ZNF251: variants seen among roughly 807,000 people sequenced by gnomAD.
ZNF251 encodes the protein zinc finger protein 251.
In ZNF251, 14 loss-of-function variants were observed where a neutral mutation model predicts 13.5. The ratio of observed to expected loss-of-function variants is 1.04; its 90% CI spans 0.69 to 1.63. ZNF251 has a LOEUF of 1.63. Ranked by LOEUF, ZNF251 falls within the 40% of genes most tolerant of loss-of-function variation. ZNF251 has a pLI of 0.00. For missense variants in ZNF251, 764 were observed against 834.9 expected, an observed-to-expected ratio of 0.92 and a Z score of 1.05; for synonymous variants, 287 against 295.2, an observed-to-expected ratio of 0.97 and a Z score of 0.28.
chr8:144,726,831 C>A (rs920856759), intron 4 of ZNF251, among the ~76,000 whole-genome samples: 1 of 151,798 alleles, frequency 6.6e-6, no homozygotes. Flanking sequence ...GATCGCGCCA[C>A]TGCACTCCAG....
chr8:144,738,437 G>T, intron 4 of ZNF251: 2 of 478,082 alleles, frequency 4.2e-6, no homozygotes, highest in Non-Finnish European at 5.5e-6. Flanking sequence ...CTCCCACCCA[G>T]CACAGGCAGG....
chr8:144,753,898 T>C (rs1423455283), intron 3 of ZNF251, 102 bp from the exon 4 acceptor site: 2 of 913,904 alleles, frequency 2.2e-6, no homozygotes, highest in East Asian at 5.4e-5. Context: ...CGCCTGCACG[T>C]GTGTTGGTCA....
Position 144,754,248 on chromosome 8 carries a change from T to G in ZNF251, c.107A>C (p.Gln36Pro). The change falls in exon 3 of 5, where the codon CAG becomes CCG. Residue 36 changes from glutamine (Q) to proline (P), a missense_variant. By Grantham distance (76) the Gln-to-Pro change is moderately conservative. Coordinates refer to ENST00000292562, the MANE Select transcript of ZNF251 (RefSeq NM_138367.2). ...QAEGRQLGPQ[Q>P]RALYRDVMLE... ...CATCACATCCCGGTAGAGCGCCCGC[T>G]GCTGGGGGCCCAGCTGCCGCCCCTC... The G allele has an allele frequency of 6.2e-7, 1 of 1,614,000 alleles. No individual in the cohort carries two copies. The highest frequency in any genetic ancestry group is 8.5e-7 in the Non-Finnish European group (1 of 1,179,956).
rs771955315 is a variant in ZNF251, at chr8:144,754,274, C to T, written c.81G>A (p.Ala27=). 1.1e-5 allele frequency: 17 copies of T among 1,613,508 alleles called. No homozygotes were observed. Among genetic ancestry groups the T allele is most frequent in the Non-Finnish European group, 1.4e-5 (16 of 1,179,752 alleles). ...GCTGGGGGCCCAGCTGCCGCCCCTCCGCCTGAGAGAAGTACACGGCCACAT... is the reference window on the plus strand; with the variant it reads ...GCTGGGGGCCCAGCTGCCGCCCCTCTGCCTGAGAGAAGTACACGGCCACAT... ...FQDVAVYFSQ[A]EGRQLGPQQR... is the part of the protein sequence containing the mutation. The change falls in exon 3 of 5, where the codon GCG becomes GCA. Residue 27 remains alanine, a synonymous_variant. Coordinates refer to ENST00000292562, the MANE Select transcript of ZNF251 (RefSeq NM_138367.2).
intron 4 of ZNF251, chr8:144,738,843 T>A (rs1824023404): frequency 1.0e-6 from 1 of 985,152 alleles, no homozygotes; most frequent in African/African-American, 1.7e-5. Context: ...GTTTTCTTGT[T>A]CAAGGCAACC....
intron 1 of ZNF251, chr8:144,755,107 C>T: frequency 8.1e-7 from 1 of 1,235,990 alleles, no homozygotes; most frequent in Non-Finnish European, 1.0e-6. Context: ...CAACCTGGGG[C>T]AAAGAGCCAC....
chr8:144,734,840 G>T lies in ZNF251; in HGVS notation c.278-11458C>A, dbSNP rs1367574030. ...TGTAATCCCAGCACTTTGGGAGGCCGAGGTGGGTAGATCACCTGAGGTCAG... is the reference window on the plus strand; with the variant it reads ...TGTAATCCCAGCACTTTGGGAGGCCTAGGTGGGTAGATCACCTGAGGTCAG... On this transcript the variant is annotated intron_variant, in intron 4 of 4. Coordinates refer to ENST00000292562, the MANE Select transcript of ZNF251 (RefSeq NM_138367.2). This position sits in a 1 kb window ranked among gnomAD's most constrained non-coding sequence, Gnocchi z 4.4. Among the ~76,000 whole-genome samples the T allele has an allele frequency of 2.0e-5, 3 of 152,168 alleles. No individual in the cohort carries two copies. Among genetic ancestry groups the T allele is most frequent in the African/African-American group, 4.8e-5 (2 of 41,438 alleles).
intron 4 of ZNF251, among the ~76,000 whole-genome samples, chr8:144,730,691 G>T (rs1408431368): frequency 6.6e-6 from 1 of 152,212 alleles, no homozygotes; most frequent in African/African-American, 2.4e-5. Context: ...TGCCAGAGAC[G>T]CCTGCCGGGC....
Position 144,753,752 on chromosome 8 carries a change from C to A in ZNF251, c.208G>T (p.Gly70Trp), listed in dbSNP as rs747412297. The A allele has an allele frequency of 3.8e-6, 6 of 1,598,058 alleles. No individual in the cohort carries two copies. Among genetic ancestry groups the A allele is most frequent in the East Asian group, 2.3e-5 (1 of 44,432 alleles). Residue 70 changes from glycine (G) to tryptophan (W), a missense_variant, in exon 4 of 5, where the codon GGG becomes TGG. Physicochemically the swap from Gly to Trp is radical, Grantham distance 184. Transcript: ENST00000292562. The stretch of plus-strand genomic sequence containing the variant: ...AGATTCAGGACCCAAAGTTCCTTCC[C>A]CTGCTCCAGCTGGGAGATCAACTCC... ...KPELISQLEQ[G>W]KELWVLNLLG... is the part of the protein sequence containing the mutation.
At chr8:144,731,924 T>C (rs1823706855) in intron 4 of ZNF251, among the ~76,000 whole-genome samples, 1 of 147,228 alleles carries the variant, frequency 6.8e-6, no homozygotes. Context: ...TTAAATTCAA[T>C]AAAGGACATG....
At chr8:144,748,307 C>CA (rs1824524363) in intron 4 of ZNF251, among the ~76,000 whole-genome samples, 1 of 151,962 alleles carries the variant, frequency 6.6e-6, no homozygotes, top group Admixed American at 6.6e-5. Flanking sequence ...CTCCTGACCT[C>CA]AAGTTATCTG....
intron 4 of ZNF251, among the ~76,000 whole-genome samples, chr8:144,739,240 C>T (rs111289377): frequency 6.8e-6 from 1 of 147,740 alleles, no homozygotes; most frequent in East Asian, 2.0e-4. Context: ...CCCCACCCCC[C>T]CAAAACTAGG....
intron 4 of ZNF251, among the ~76,000 whole-genome samples, chr8:144,733,739 G>A (rs141787249): frequency 7.9e-5 from 12 of 152,238 alleles, no homozygotes; most frequent in East Asian, 1.9e-4. Context: ...GCCTTCAGGC[G>A]TGCCGTGTAC....
Position 144,741,410 on chromosome 8 carries a change from G to A in ZNF251, c.277+12273C>T, listed in dbSNP as rs375834924. Among the ~76,000 whole-genome samples, 8 of 152,222 alleles carry A rather than the reference G, an allele frequency of 5.3e-5. No homozygotes were observed. In the East Asian group the frequency reaches 9.6e-4, roughly 18 times the overall value. On this transcript the variant is annotated intron_variant, in intron 4 of 4. Transcript: ENST00000292562. ...CATGCGTAAACATGTACATACACAC[G>A]ATGCAGATACACATACACCCATACA...
chr8:144,735,162 G>A (rs952332856), intron 4 of ZNF251, among the ~76,000 whole-genome samples: 3 of 152,072 alleles, frequency 2.0e-5, no homozygotes, highest in Non-Finnish European at 4.4e-5. Context: ...GAGGAGGGTA[G>A]ATCATCTGAA....
At chr8:144,749,646 T>C (rs1007761414) in intron 4 of ZNF251, among the ~76,000 whole-genome samples, 2 of 152,212 alleles carry the variant, frequency 1.3e-5, no homozygotes, top group Admixed American at 6.5e-5. Flanking sequence ...TTCTATTATA[T>C]GTAATTCCAT....
chr8:144,749,510 G>C (rs1475211910), intron 4 of ZNF251, among the ~76,000 whole-genome samples: 8 of 152,052 alleles, frequency 5.3e-5, no homozygotes, highest in Non-Finnish European at 1.2e-4. Context: ...AATTTAAAAA[G>C]GTGATTACTG....
rs776429240 is a variant in ZNF251 at position 144,722,869 on chromosome 8, G to T, written c.791C>A (p.Pro264Gln). ...LHHHIHTGNK[P>Q]FKCDECGKTF... Reference sequence around the variant, plus strand: ...TTTCCCACATTCATCACATTTAAATGGTTTATTTCCAGTGTGAATGTGATG... The same window carrying T: ...TTTCCCACATTCATCACATTTAAATTGTTTATTTCCAGTGTGAATGTGATG... Residue 264 changes from proline (P) to glutamine (Q), a missense_variant, in exon 5 of 5, where the codon CCA (proline) becomes CAA (glutamine). Coordinates refer to ENST00000292562, the MANE Select transcript of ZNF251 (RefSeq NM_138367.2). The surrounding 1 kb of genome is among the most constrained non-coding windows in gnomAD (Gnocchi z 4.8). The T allele has an allele frequency of 1.5e-5, 24 of 1,613,870 alleles. No individual in the cohort carries two copies. Among genetic ancestry groups the T allele is most frequent in the Non-Finnish European group, 2.0e-5 (24 of 1,179,898 alleles).
In ZNF251 at chr8:144,722,909, T is replaced by C. The variant is rs1823412969; in HGVS notation, c.751A>G (p.Asn251Asp). 1 of 1,613,852 alleles carries C rather than the reference T, an allele frequency of 6.2e-7. No homozygotes were observed. The highest frequency in any genetic ancestry group is 1.3e-5 in the African/African-American group (1 of 74,912). ...RCGRAFTHSS[N>D]LVLHHHIHTG... Reference sequence around the variant, plus strand: ...TGAATGTGATGGTGCAGAACAAGATTTGAGCTGTGAGTAAAGGCTCGCCCA... The same window carrying C: ...TGAATGTGATGGTGCAGAACAAGATCTGAGCTGTGAGTAAAGGCTCGCCCA... The change falls in exon 5 of 5, where the codon AAT becomes GAT. Residue 251 changes from asparagine (N) to aspartate (D), a missense_variant. Transcript: ENST00000292562. This position sits in a 1 kb window ranked among gnomAD's most constrained non-coding sequence, Gnocchi z 4.8.
Sources: gnomAD v4.1 joint callset for allele counts (sites outside exome capture counted in the v4.1 genomes callset) on GRCh38, gnomAD v4.1.1 for gene constraint, Gnocchi (gnomAD v3.1) non-coding constraint, MANE v1.5 for transcripts, NCBI Gene and HGNC (gene_info 2026-07-23, HGNC 2026-07-21) for gene names.